Variants in SOS2 observed in about 807,000 individuals in gnomAD.
SOS2 encodes son of sevenless homolog 2.
A neutral mutation model predicts 148.2 loss-of-function variants in SOS2; 65 were observed. That is an observed-to-expected ratio of 0.44 (90% CI 0.36 to 0.54). The LOEUF (loss-of-function observed/expected upper bound fraction) is 0.54, where lower values mean the gene tolerates loss of function less well. Among genes scored for constraint, SOS2 ranks in the 20% least tolerant of loss-of-function variants. The pLI, the probability that SOS2 is intolerant of heterozygous loss-of-function variation, is 0.00. For synonymous variants in SOS2, 539 were observed against 537.1 expected (o/e 1.00, Z -0.05); for missense variants, 1,341 against 1,590.2 (o/e 0.84, Z 2.67).
At chr14:50,168,481 C>T (rs1222178307) in intron 8 of SOS2, among the ~76,000 whole-genome samples, 2 of 152,170 alleles carry the variant, frequency 1.3e-5, no homozygotes, top group African/African-American at 4.8e-5. Flanking sequence ...CTCAGCCTCC[C>T]AAAGTGCTGG....
At chr14:50,147,956 T>C (rs1017275995) in intron 14 of SOS2, among the ~76,000 whole-genome samples, 1 of 152,222 alleles carries the variant, frequency 6.6e-6, no homozygotes, top group East Asian at 1.9e-4. Flanking sequence ...CCCTATCTCT[T>C]TTTTTTCTTT....
intron 1 of SOS2, among the ~76,000 whole-genome samples, chr14:50,223,273 T>C (rs556750569): frequency 6.6e-6 from 1 of 152,286 alleles, no homozygotes; most frequent in Non-Finnish European, 1.5e-5. Flanking sequence ...TGGTGCTTCA[T>C]GCCTGTAACT....
chr14:50,214,702 T>A (rs77262028), intron 1 of SOS2, among the ~76,000 whole-genome samples: 1 of 146,748 alleles, frequency 6.8e-6, no homozygotes, highest in East Asian at 2.0e-4. Context: ...GGCCGTTTCT[T>A]TTTTTTTTTT....
rs201181509 is a variant in SOS2, at chr14:50,138,592, T to C, written c.2958+20A>G. 1.3e-5 allele frequency: 18 copies of C among 1,358,728 alleles called. No individual in the cohort carries two copies. 84.2% of individuals were successfully genotyped at this position (1,358,728 alleles called of 1,614,324 possible). A position where few individuals can be genotyped will look rare whatever the true frequency, so the allele number is the denominator to read the frequency against. ...CCATTAACACGTTCTCTTCTAAAGA[T>C]ATGCAAAGAAAATATTTACCCTCAT... On this transcript the variant is annotated intron_variant, in intron 18 of 22. Coordinates refer to ENST00000216373, the MANE Select transcript of SOS2 (RefSeq NM_006939.4).
At chr14:50,161,634 C>A in intron 8 of SOS2, 25 bp from the exon 9 acceptor site, 1 of 1,605,386 alleles carries the variant, frequency 6.2e-7, no homozygotes, top group Non-Finnish European at 8.5e-7. Context: ...AAAGAAAAAT[C>A]AAAACTGCAT....
intron 8 of SOS2, among the ~76,000 whole-genome samples, chr14:50,172,625 T>C: frequency 6.6e-6 from 1 of 151,930 alleles, no homozygotes; most frequent in Non-Finnish European, 1.5e-5. Context: ...CCCCTTGGAC[T>C]CCTAAAGTGC....
chr14:50,198,296 G>C (rs1361315942), intron 4 of SOS2, among the ~76,000 whole-genome samples: 1 of 151,114 alleles, frequency 6.6e-6, no homozygotes, highest in Non-Finnish European at 1.5e-5. Context: ...CAAGTGGCAA[G>C]GGCTTACTTT....
At chr14:50,122,903 AT>A (rs1455391822) in intron 21 of SOS2, among the ~76,000 whole-genome samples, 2 of 152,228 alleles carry the variant, frequency 1.3e-5, no homozygotes, top group Admixed American at 6.5e-5. Flanking sequence ...TTCAACAGTT[AT>A]TGGGCACCTG....
intron 6 of SOS2, 72 bp downstream of exon 6, chr14:50,182,391 A>G (rs1885773289): frequency 8.7e-6 from 12 of 1,375,868 alleles, no homozygotes; most frequent in African/African-American, 1.4e-5. Context: ...TATGTTGCCA[A>G]GACTCATCTC....
intron 1 of SOS2, among the ~76,000 whole-genome samples, chr14:50,209,368 G>A (rs1207446751): frequency 6.7e-6 from 1 of 148,494 alleles, no homozygotes; most frequent in African/African-American, 2.5e-5. Context: ...ACCCATGGAG[G>A]ACAAAATAAT....
At chr14:50,226,857 T>C (rs1887392881) in intron 1 of SOS2, among the ~76,000 whole-genome samples, 1 of 152,214 alleles carries the variant, frequency 6.6e-6, no homozygotes, top group Non-Finnish European at 1.5e-5. Context: ...TATCTCAACA[T>C]ATAATCAAAT....
At chr14:50,188,295 C>G (rs866236624) in intron 5 of SOS2, among the ~76,000 whole-genome samples, 3 of 152,066 alleles carry the variant, frequency 2.0e-5, no homozygotes, top group South Asian at 4.2e-4. Flanking sequence ...ATCCCAGCTA[C>G]TCAGGAGGCT....
chr14:50,204,568 T>C (rs568915793), intron 1 of SOS2, among the ~76,000 whole-genome samples, 159 bp from the exon 2 acceptor site: 59 of 152,336 alleles, frequency 3.9e-4, no homozygotes, highest in Non-Finnish European at 7.8e-4. Flanking sequence ...TCTGTAAACT[T>C]TTCTTAACCC....
At chr14:50,195,707 G>C (rs559870928) in intron 4 of SOS2, among the ~76,000 whole-genome samples, 1 of 152,132 alleles carries the variant, frequency 6.6e-6, no homozygotes, top group South Asian at 2.1e-4. Context: ...GCTGCAGTGA[G>C]CCTGGGTGAC....
At chr14:50,160,379 C>CTTTTTTTT (rs200021758) in intron 9 of SOS2, among the ~76,000 whole-genome samples, 5 of 78,926 alleles carry the variant, frequency 6.3e-5, no homozygotes, top group South Asian at 5.0e-4. Flanking sequence ...CAATGCTAAT[C>CTTTTTTTT]TTTTTTTTTT....
chr14:50,182,756 C>T (rs965530725), intron 5 of SOS2, 150 bp from the exon 6 acceptor site: 26 of 619,480 alleles, frequency 4.2e-5, no homozygotes, highest in Admixed American at 2.1e-4. Flanking sequence ...TGCTGCTGTA[C>T]GCTGCCGCTT....
intron 7 of SOS2, among the ~76,000 whole-genome samples, chr14:50,179,908 G>A (rs1177780675): frequency 6.6e-6 from 1 of 152,082 alleles, no homozygotes; most frequent in Non-Finnish European, 1.5e-5. Flanking sequence ...ATAGGAGGTT[G>A]AGGTTATCTC....
chr14:50,157,724 T>G (rs1051718707), intron 11 of SOS2, among the ~76,000 whole-genome samples: 8 of 152,168 alleles, frequency 5.3e-5, no homozygotes, highest in African/African-American at 1.9e-4. Flanking sequence ...GTGATAGAGA[T>G]CTAGAATTAT....
At chr14:50,228,925 T>C (rs1273360753) in intron 1 of SOS2, among the ~76,000 whole-genome samples, 1 of 152,194 alleles carries the variant, frequency 6.6e-6, no homozygotes, top group African/African-American at 2.4e-5. Context: ...CAACACCAAT[T>C]GAAGGAGAGA....
Sources: allele counts gnomAD v4.1 joint callset (sites outside exome capture counted in the v4.1 genomes callset), GRCh38; gene constraint gnomAD v4.1.1; transcripts MANE v1.5; gene names NCBI Gene and HGNC (gene_info 2026-07-23, HGNC 2026-07-21).